LRP1B: variants seen among roughly 807,000 people sequenced by gnomAD.
LRP1B encodes low-density lipoprotein receptor-related protein 1B.
In LRP1B, 217 loss-of-function variants were observed where a neutral mutation model predicts 556.6. The observed-to-expected ratio is 0.39, with a 90% CI of 0.35 to 0.44. LRP1B has a LOEUF of 0.44. Among genes scored for constraint, LRP1B ranks in the 20% least tolerant of loss-of-function variants. The pLI is 1.00. For missense variants in LRP1B, 5,053 were observed against 5,620.8 expected (o/e 0.90, Z 3.23); for synonymous variants, 2,047 against 1,865.8 (o/e 1.10, Z -2.50).
intron 3 of LRP1B, among the ~76,000 whole-genome samples, chr2:141,432,325 G>A (rs556629954): frequency 1.2e-4 from 19 of 152,002 alleles, no homozygotes; most frequent in South Asian, 8.3e-4. Context: ...GTTATATGTC[G>A]TTAGCTTTGG....
At chr2:141,371,856 A>G (rs13391431) in intron 3 of LRP1B, among the ~76,000 whole-genome samples, 1 of 151,394 alleles carries the variant, frequency 6.6e-6, no homozygotes, top group Admixed American at 6.6e-5. Flanking sequence ...TGATATTTTT[A>G]TTTTTTTTCT....
At chr2:141,042,618 G>A (rs1056486976) in intron 11 of LRP1B, among the ~76,000 whole-genome samples, 4 of 152,056 alleles carry the variant, frequency 2.6e-5, no homozygotes, top group Non-Finnish European at 5.9e-5. Flanking sequence ...GACTTCACCT[G>A]TCTGAGTCTC....
At chr2:140,507,948 G>A (rs1322142110) in intron 52 of LRP1B, among the ~76,000 whole-genome samples, 2 of 151,964 alleles carry the variant, frequency 1.3e-5, no homozygotes, top group Non-Finnish European at 1.5e-5. Context: ...TCTTATAAGG[G>A]CTAGATAATG....
At chr2:140,860,696 G>A (rs1291737141) in intron 27 of LRP1B, among the ~76,000 whole-genome samples, 1 of 151,558 alleles carries the variant, frequency 6.6e-6, no homozygotes, top group African/African-American at 2.4e-5. Context: ...AATTAGAGCA[G>A]CTAAGGAAAG....
intron 2 of LRP1B, among the ~76,000 whole-genome samples, chr2:141,749,236 C>G (rs905961649): frequency 6.6e-6 from 1 of 152,052 alleles, no homozygotes; most frequent in African/African-American, 2.4e-5. Context: ...ATATGGAAAA[C>G]AAGACCTTGT....
chr2:141,219,112 A>G (rs1682933705), intron 6 of LRP1B, among the ~76,000 whole-genome samples: 1 of 152,170 alleles, frequency 6.6e-6, no homozygotes, highest in Non-Finnish European at 1.5e-5. Context: ...AGTCCACCCC[A>G]CCAGGGCCTT....
intron 3 of LRP1B, among the ~76,000 whole-genome samples, chr2:141,301,476 C>A (rs1337885090): frequency 2.6e-5 from 4 of 152,096 alleles, no homozygotes; most frequent in African/African-American, 9.7e-5. Flanking sequence ...AGATCACATA[C>A]AATAAGAGAA....
chr2:140,994,781 G>T (rs1008099211), intron 15 of LRP1B, among the ~76,000 whole-genome samples: 1 of 151,916 alleles, frequency 6.6e-6, no homozygotes, highest in Non-Finnish European at 1.5e-5. Context: ...TCAAAAATAT[G>T]TGATACTCAT....
chr2:140,849,874 G>GTTT (rs1375978903), intron 29 of LRP1B, among the ~76,000 whole-genome samples: 1 of 152,000 alleles, frequency 6.6e-6, no homozygotes, highest in Non-Finnish European at 1.5e-5. Flanking sequence ...CTGTCCTGAA[G>GTTT]TTTTTCTTCA....
chr2:140,821,560 G>T (rs1415693717), intron 31 of LRP1B, among the ~76,000 whole-genome samples: 2 of 152,064 alleles, frequency 1.3e-5, no homozygotes, highest in African/African-American at 4.8e-5. Context: ...AAAAACTGAG[G>T]TTCCTTATTT....
chr2:141,351,077 C>G (rs1189950529), intron 3 of LRP1B, among the ~76,000 whole-genome samples: 1 of 151,938 alleles, frequency 6.6e-6, no homozygotes, highest in Non-Finnish European at 1.5e-5. Flanking sequence ...ATTTTTATGG[C>G]TACTTTCAGA....
At chr2:141,702,369 T>A (rs200751293) in intron 2 of LRP1B, among the ~76,000 whole-genome samples, 2 of 151,908 alleles carry the variant, frequency 1.3e-5, no homozygotes, top group South Asian at 2.1e-4. Context: ...CCCTCAGCTA[T>A]AATGTAACCG....
At chr2:140,770,702 A>G (rs1034356948) in intron 34 of LRP1B, among the ~76,000 whole-genome samples, 179 bp downstream of exon 34, 1 of 152,112 alleles carries the variant, frequency 6.6e-6, no homozygotes, top group Non-Finnish European at 1.5e-5. Context: ...GAACAATGAT[A>G]TTTTAAATAT....
In LRP1B at chr2:141,049,191, C is replaced by A. The variant is rs201982002; in HGVS notation, c.1584G>T (p.Gly528=). The A allele has an allele frequency of 6.0e-5, 96 of 1,613,084 alleles. No individual in the cohort carries two copies. Among genetic ancestry groups the A allele is most frequent in the Admixed American group, 5.3e-4 (32 of 59,900 alleles). Residue 528 remains glycine (G), a synonymous_variant, in exon 11 of 91, where the codon GGG becomes GGT. Coordinates refer to ENST00000389484, the MANE Select transcript of LRP1B (RefSeq NM_018557.3). The part of the protein sequence containing the change: ...RPKNELFLFY[G]KGRPGIVRGM... Reference sequence around the variant, plus strand: ...CTCTAACAATTCCTGGGCGTCCTTTCCCATAAAAGAGGAACAACTCATTCT... The same window carrying A: ...CTCTAACAATTCCTGGGCGTCCTTTACCATAAAAGAGGAACAACTCATTCT...
rs954429571 is a variant in LRP1B, at chr2:141,161,920, G to A, written c.1013+26501C>T. Among the ~76,000 whole-genome samples the A allele has an allele frequency of 2.6e-5, 4 of 152,180 alleles. No individual in the cohort carries two copies. The South Asian group carries it at 6.2e-4, about 24-fold the overall frequency. The stretch of plus-strand genomic sequence containing the variant: ...GTTCTTGCTGGGAGCTGTATGCTTC[G>A]ATGAAAGAAGCCATTTGTCTCTGTC... On this transcript the variant is annotated intron_variant, in intron 7 of 90. Coordinates refer to ENST00000389484, the MANE Select transcript of LRP1B (RefSeq NM_018557.3).
intron 2 of LRP1B, among the ~76,000 whole-genome samples, chr2:141,690,062 T>C (rs1027633684): frequency 9.2e-5 from 14 of 151,804 alleles, no homozygotes; most frequent in African/African-American, 3.1e-4. Flanking sequence ...TCCATTATTA[T>C]TTAGCTATAT....
chr2:141,703,352 T>G (rs1302406607), intron 2 of LRP1B, among the ~76,000 whole-genome samples: 1 of 151,920 alleles, frequency 6.6e-6, no homozygotes, highest in African/African-American at 2.4e-5. Flanking sequence ...AATTTTCCTC[T>G]CCAGGGTGTT....
rs1682316069 is a variant in LRP1B, at chr2:140,358,061, A to G, written c.11313T>C (p.Asn3771=). ...GGAGATCCATAGGGATGCATTTTTTATTACTACAAGCAAACTCATCCTTTT... is the reference window on the plus strand; with the variant it reads ...GGAGATCCATAGGGATGCATTTTTTGTTACTACAAGCAAACTCATCCTTTT... ...PCKKDEFACS[N]KKCIPMDLQC... The change falls in exon 74 of 91, where the codon AAT becomes AAC. Residue 3771 remains asparagine (N), a synonymous_variant. Coordinates refer to ENST00000389484, the MANE Select transcript of LRP1B (RefSeq NM_018557.3). 1 of 1,611,498 alleles carries G rather than the reference A, an allele frequency of 6.2e-7. No homozygotes were observed. Among genetic ancestry groups the G allele is most frequent in the Non-Finnish European group, 8.5e-7 (1 of 1,178,324 alleles).
At chr2:140,834,079 A>C (rs1315914512) in intron 31 of LRP1B, among the ~76,000 whole-genome samples, 2 of 152,202 alleles carry the variant, frequency 1.3e-5, no homozygotes, top group African/African-American at 4.8e-5. Flanking sequence ...AACATTTTAT[A>C]ACTTAAGGCT....
Sources: allele counts gnomAD v4.1 joint callset (sites outside exome capture counted in the v4.1 genomes callset), GRCh38; gene constraint gnomAD v4.1.1; transcripts MANE v1.5; gene names NCBI Gene and HGNC (gene_info 2026-07-23, HGNC 2026-07-21).